The following TPST1 variants were observed in gnomAD, a reference collection of about 807,000 sequenced individuals.
TPST1 encodes the protein tyrosylprotein sulfotransferase 1.
A neutral mutation model predicts 34.8 loss-of-function variants in TPST1; 20 were observed. The ratio of observed to expected loss-of-function variants is 0.57; its 90% CI spans 0.40 to 0.84. The LOEUF (loss-of-function observed/expected upper bound fraction) is 0.84. TPST1 is among the 40% of genes least tolerant of loss of function. TPST1 has a pLI of 0.00. For missense variants in TPST1, 353 were observed against 455.5 expected (o/e 0.78, Z 2.05); for synonymous variants, 152 against 159.4 (o/e 0.95, Z 0.35).
At chr7:66,270,395 C>A (rs1790681677) in intron 2 of TPST1, among the ~76,000 whole-genome samples, 1 of 152,178 alleles carries the variant, frequency 6.6e-6, no homozygotes, top group Non-Finnish European at 1.5e-5. Context: ...AGTCCAGAAG[C>A]TTTTTCATGT....
At chr7:66,250,295 G>A (rs953953650) in intron 2 of TPST1, among the ~76,000 whole-genome samples, 5 of 152,140 alleles carry the variant, frequency 3.3e-5, no homozygotes, top group East Asian at 1.9e-4. Context: ...CTTGTCCTCC[G>A]TCCCACAGTT....
At chr7:66,257,808 G>A (rs1392669420) in intron 2 of TPST1, among the ~76,000 whole-genome samples, 1 of 152,054 alleles carries the variant, frequency 6.6e-6, no homozygotes, top group Non-Finnish European at 1.5e-5. Context: ...GGACCTATTA[G>A]GCACACCCTT....
intron 3 of TPST1, among the ~76,000 whole-genome samples, chr7:66,297,081 C>T (rs1396578447): frequency 1.3e-5 from 2 of 152,160 alleles, no homozygotes; most frequent in Non-Finnish European, 2.9e-5. Flanking sequence ...ATTAAGGACT[C>T]CTATTAGCCA....
chr7:66,312,682 C>A (rs1264346157), intron 3 of TPST1, among the ~76,000 whole-genome samples: 1 of 152,040 alleles, frequency 6.6e-6, no homozygotes, highest in Non-Finnish European at 1.5e-5. Flanking sequence ...TGTGGCTTTT[C>A]CTTAAACCCA....
At chr7:66,257,385 G>C (rs556941741) in intron 2 of TPST1, among the ~76,000 whole-genome samples, 2 of 152,306 alleles carry the variant, frequency 1.3e-5, no homozygotes, top group Non-Finnish European at 2.9e-5. Context: ...GGGAAAATAG[G>C]AGGCACAGAA....
intron 2 of TPST1, among the ~76,000 whole-genome samples, chr7:66,280,111 G>A (rs549158623): frequency 2.0e-5 from 3 of 152,312 alleles, no homozygotes; most frequent in South Asian, 2.1e-4. Context: ...GGCTGCAGAC[G>A]GAAATCCTGG....
chr7:66,322,025 T>C (rs1406960418), intron 3 of TPST1, among the ~76,000 whole-genome samples: 2 of 152,334 alleles, frequency 1.3e-5, no homozygotes, highest in South Asian at 4.1e-4. Context: ...GCCTTGCCTT[T>C]TCTCTCTCTT....
At chr7:66,303,590 A>G (rs1791362358) in intron 3 of TPST1, among the ~76,000 whole-genome samples, 2 of 152,000 alleles carry the variant, frequency 1.3e-5, no homozygotes, top group African/African-American at 4.8e-5. Context: ...TTATATTTTT[A>G]GTAGTGACAG....
chr7:66,256,792 C>T (rs183546777), intron 2 of TPST1, among the ~76,000 whole-genome samples: 33 of 152,286 alleles, frequency 2.2e-4, no homozygotes, highest in African/African-American at 7.2e-4. Context: ...CCAGCCTGCC[C>T]TGTGGCCCCC....
Position 66,297,709 on chromosome 7 carries a change from G to A in TPST1, c.1044+11000G>A, listed in dbSNP as rs182120430. ...AAATGAAGTCAGCTGGGGGACAGGGGTTAGATTAAATCCCTAAACCAAACA... is the reference window on the plus strand; with the variant it reads ...AAATGAAGTCAGCTGGGGGACAGGGATTAGATTAAATCCCTAAACCAAACA... On this transcript the variant is annotated intron_variant, in intron 3 of 5. Coordinates refer to ENST00000304842, the MANE Select transcript of TPST1 (RefSeq NM_003596.4). 6.2e-3 allele frequency among the ~76,000 whole-genome samples: 939 copies of A among 152,318 alleles called. 24 individuals are homozygous for A. The highest frequency in any genetic ancestry group is 3.2e-3 in the Non-Finnish European group (218 of 68,044).
chr7:66,249,114 T>C (rs913397313), intron 2 of TPST1, among the ~76,000 whole-genome samples: 2 of 152,188 alleles, frequency 1.3e-5, no homozygotes, highest in Non-Finnish European at 2.9e-5. Context: ...TACAGTCACA[T>C]TGGTGATTAG....
At chr7:66,335,872 A>T (rs1403354851) in intron 3 of TPST1, among the ~76,000 whole-genome samples, 2 of 152,234 alleles carry the variant, frequency 1.3e-5, no homozygotes, top group Non-Finnish European at 2.9e-5. Context: ...ATGTGCAAGC[A>T]TCAACATAAA....
intron 2 of TPST1, among the ~76,000 whole-genome samples, chr7:66,245,890 G>A (rs553206185): frequency 6.6e-6 from 1 of 152,222 alleles, no homozygotes; most frequent in East Asian, 1.9e-4. Flanking sequence ...ATTACATGTG[G>A]TGTTTTGTTT....
chr7:66,208,854 T>C (rs757707041), intron 1 of TPST1, among the ~76,000 whole-genome samples: 1 of 152,160 alleles, frequency 6.6e-6, no homozygotes, highest in Non-Finnish European at 1.5e-5. Context: ...TTGTGTCATA[T>C]CTCATTGTAT....
At chr7:66,271,878 G>C (rs1790711526) in intron 2 of TPST1, among the ~76,000 whole-genome samples, 1 of 151,642 alleles carries the variant, frequency 6.6e-6, no homozygotes, top group African/African-American at 2.4e-5. Flanking sequence ...ATTCTAAAAA[G>C]AGAATACGCA....
intron 3 of TPST1, among the ~76,000 whole-genome samples, chr7:66,346,287 G>A (rs1010093767): frequency 2.0e-5 from 3 of 152,048 alleles, no homozygotes; most frequent in Admixed American, 6.6e-5. Flanking sequence ...TGCAGCAAAC[G>A]TGAGAATGCA....
At chr7:66,318,704 A>G (rs961496026) in intron 3 of TPST1, among the ~76,000 whole-genome samples, 6 of 151,846 alleles carry the variant, frequency 4.0e-5, no homozygotes, top group Non-Finnish European at 8.8e-5. Context: ...TGACCATGTG[A>G]CTCGCCGCCT....
intron 4 of TPST1, among the ~76,000 whole-genome samples, chr7:66,353,752 G>C (rs889244673): frequency 6.6e-6 from 1 of 152,208 alleles, no homozygotes; most frequent in Admixed American, 6.5e-5. Context: ...TTGTCAATAG[G>C]AAGAGGAGAC....
chr7:66,258,250 AT>A (rs1790417907), intron 2 of TPST1, among the ~76,000 whole-genome samples: 1 of 151,908 alleles, frequency 6.6e-6, no homozygotes, highest in South Asian at 2.1e-4. Flanking sequence ...TTGGAGTTAT[AT>A]TTTGTGTTTC....
Sources: gnomAD v4.1 joint callset for allele counts (sites outside exome capture counted in the v4.1 genomes callset) on GRCh38, gnomAD v4.1.1 for gene constraint, MANE v1.5 for transcripts, NCBI Gene and HGNC (gene_info 2026-07-23, HGNC 2026-07-21) for gene names.